The following HS6ST3 variants were observed in gnomAD, a reference collection of about 807,000 sequenced individuals.
HS6ST3 encodes heparan sulfate 6-O-sulfotransferase 3.
In HS6ST3, 12 loss-of-function variants were observed where a neutral mutation model predicts 36.7. That is an observed-to-expected ratio of 0.33 (90% CI 0.21 to 0.53). The LOEUF is 0.53. HS6ST3 is among the 20% of genes least tolerant of loss of function. The pLI, the probability that HS6ST3 is intolerant of heterozygous loss-of-function variation, is 0.95. For synonymous variants in HS6ST3, 240 were observed against 257.5 expected (o/e 0.93, Z 0.65); for missense variants, 584 against 640.9 (o/e 0.91, Z 0.96).
chr13:96,423,493 G>C (rs538726529), intron 1 of HS6ST3, among the ~76,000 whole-genome samples: 1 of 151,938 alleles, frequency 6.6e-6, no homozygotes, highest in African/African-American at 2.4e-5. Context: ...GAGTGAGGGT[G>C]ACTGTCTGAT....
chr13:96,188,457 A>G (rs1251284477), intron 1 of HS6ST3, among the ~76,000 whole-genome samples: 2 of 152,078 alleles, frequency 1.3e-5, no homozygotes, highest in Non-Finnish European at 2.9e-5. Context: ...ATCGCTACAA[A>G]AACAAACAAA....
At chr13:96,829,935 A>C (rs974953484) in intron 1 of HS6ST3, among the ~76,000 whole-genome samples, 3 of 152,192 alleles carry the variant, frequency 2.0e-5, no homozygotes, top group Admixed American at 2.0e-4. Flanking sequence ...TTTGATTTAA[A>C]TATACAGGAA....
At chr13:96,160,521 T>G (rs1594699093) in intron 1 of HS6ST3, among the ~76,000 whole-genome samples, 2 of 152,194 alleles carry the variant, frequency 1.3e-5, no homozygotes, top group Non-Finnish European at 1.5e-5. Flanking sequence ...GGATGCTATA[T>G]ACTATGTAGG....
rs114854299 is a variant in HS6ST3 at position 96,566,551 on chromosome 13, C to A, written c.708-265939C>A. On this transcript the variant is annotated intron_variant, in intron 1 of 1. Transcript: ENST00000376705. ...TTCAGTAAATGAGTTTATTCTTGAA[C>A]GAGGAAAACATAAAAGAAAAGACCC... 2.6e-3 allele frequency among the ~76,000 whole-genome samples: 395 copies of A among 151,910 alleles called. 1 individual carries two copies. Among genetic ancestry groups the A allele is most frequent in the African/African-American group, 9.1e-3 (376 of 41,424 alleles).
chr13:96,204,203 C>A (rs2054357544), intron 1 of HS6ST3, among the ~76,000 whole-genome samples: 1 of 152,012 alleles, frequency 6.6e-6, no homozygotes, highest in African/African-American at 2.4e-5. Context: ...GGTTGCAATC[C>A]TAGTTGCTGA....
At chr13:96,227,380 T>G (rs1323461188) in intron 1 of HS6ST3, among the ~76,000 whole-genome samples, 2 of 152,176 alleles carry the variant, frequency 1.3e-5, no homozygotes, top group Non-Finnish European at 2.9e-5. Flanking sequence ...CATTGGCACC[T>G]ATATGGCCAC....
chr13:96,148,900 T>C (rs2054070509), intron 1 of HS6ST3, among the ~76,000 whole-genome samples: 1 of 152,084 alleles, frequency 6.6e-6, no homozygotes, highest in South Asian at 2.1e-4. Flanking sequence ...CAAGGTGAAA[T>C]ACACTAAGGG....
At chr13:96,247,234 G>A (rs1336674717) in intron 1 of HS6ST3, among the ~76,000 whole-genome samples, 2 of 151,944 alleles carry the variant, frequency 1.3e-5, no homozygotes, top group Non-Finnish European at 2.9e-5. Flanking sequence ...GTGGCAACGT[G>A]TCTATTGAAC....
At chr13:96,819,894 G>T (rs1302062177) in intron 1 of HS6ST3, among the ~76,000 whole-genome samples, 2 of 151,900 alleles carry the variant, frequency 1.3e-5, no homozygotes, top group Non-Finnish European at 2.9e-5. Flanking sequence ...CAGTCACATG[G>T]TGAAACCCCC....
At chr13:96,569,797 C>G (rs2056294666) in intron 1 of HS6ST3, among the ~76,000 whole-genome samples, 1 of 152,104 alleles carries the variant, frequency 6.6e-6, no homozygotes, top group South Asian at 2.1e-4. Flanking sequence ...AATGTAAACC[C>G]TGCTCAGGGT....
At chr13:96,752,631 C>G (rs1029214021) in intron 1 of HS6ST3, among the ~76,000 whole-genome samples, 1 of 152,064 alleles carries the variant, frequency 6.6e-6, no homozygotes. Context: ...GTCTTCTGTT[C>G]ATTTTTCTAC....
intron 1 of HS6ST3, among the ~76,000 whole-genome samples, chr13:96,690,959 C>T (rs1247238659): frequency 3.3e-5 from 5 of 152,086 alleles, no homozygotes; most frequent in Non-Finnish European, 5.9e-5. Flanking sequence ...CTAGCACAGT[C>T]CTTGGCACCC....
chr13:96,171,290 T>A (rs2054186536), intron 1 of HS6ST3, among the ~76,000 whole-genome samples: 1 of 152,202 alleles, frequency 6.6e-6, no homozygotes, highest in Non-Finnish European at 1.5e-5. Context: ...CTCGACCCTT[T>A]CTCACCCCTC....
intron 1 of HS6ST3, among the ~76,000 whole-genome samples, chr13:96,508,243 A>T (rs1389637990): frequency 6.6e-6 from 1 of 151,844 alleles, no homozygotes; most frequent in Non-Finnish European, 1.5e-5. Flanking sequence ...AGACTGCTGA[A>T]CTCAAGTCTT....
intron 1 of HS6ST3, among the ~76,000 whole-genome samples, chr13:96,598,841 A>G (rs1183357771): frequency 7.2e-5 from 11 of 152,098 alleles, no homozygotes; most frequent in Admixed American, 6.6e-4. Flanking sequence ...ATTGTGAAGT[A>G]TGTTCCTTCT....
intron 1 of HS6ST3, among the ~76,000 whole-genome samples, chr13:96,539,047 T>C (rs1415397577): frequency 1.3e-5 from 2 of 152,160 alleles, no homozygotes; most frequent in African/African-American, 2.4e-5. Flanking sequence ...TAGTAGTGGC[T>C]TACTCTCCCA....
chr13:96,099,387 G>A (rs1010821693), intron 1 of HS6ST3, among the ~76,000 whole-genome samples: 2 of 152,172 alleles, frequency 1.3e-5, no homozygotes, highest in African/African-American at 2.4e-5. Flanking sequence ...TAAAGTCAAT[G>A]TTAATTCTTA....
At chr13:96,107,599 C>G (rs1040625274) in intron 1 of HS6ST3, among the ~76,000 whole-genome samples, 4 of 152,228 alleles carry the variant, frequency 2.6e-5, no homozygotes, top group Middle Eastern at 3.4e-3. Context: ...AGTCAGACTT[C>G]TCAGCTGTTC....
At chr13:96,350,605 T>C (rs1000236230) in intron 1 of HS6ST3, among the ~76,000 whole-genome samples, 1 of 152,258 alleles carries the variant, frequency 6.6e-6, no homozygotes, top group Non-Finnish European at 1.5e-5. Flanking sequence ...GATGTTCTTC[T>C]GTTAGACATA....
Sources: allele counts gnomAD v4.1 joint callset (sites outside exome capture counted in the v4.1 genomes callset), GRCh38; gene constraint gnomAD v4.1.1; transcripts MANE v1.5; gene names NCBI Gene and HGNC (gene_info 2026-07-23, HGNC 2026-07-21).